FARP1: variants seen among roughly 807,000 people sequenced by gnomAD.
The protein encoded by FARP1 is FERM, ARHGEF and pleckstrin domain-containing protein 1.
Under a neutral mutation model 128.8 loss-of-function variants are expected in FARP1, and 52 were observed. The ratio of observed to expected loss-of-function variants is 0.40; its 90% confidence interval spans 0.32 to 0.51. FARP1 has a LOEUF of 0.51. Among genes scored for constraint, FARP1 ranks in the 20% least tolerant of loss-of-function variants. The probability of loss-of-function intolerance (pLI) is 0.45; values close to 1 mark genes in which losing one functional copy is unlikely to be tolerated. For synonymous variants in FARP1, 580 were observed against 551.8 expected (o/e 1.05, Z -0.72); for missense variants, 1,333 against 1,367.9 (o/e 0.97, Z 0.40).
At chr13:98,424,979 G>C (rs1396161022) in intron 17 of FARP1, among the ~76,000 whole-genome samples, 1 of 151,030 alleles carries the variant, frequency 6.6e-6, no homozygotes, top group East Asian at 1.9e-4. Flanking sequence ...CTTCCAATGT[G>C]GTCCACGGAA....
intron 2 of FARP1, among the ~76,000 whole-genome samples, chr13:98,330,485 G>A (rs1005372863): frequency 6.6e-5 from 10 of 152,148 alleles, no homozygotes; most frequent in Admixed American, 1.3e-4. Context: ...TTCATCTACC[G>A]GGCATGGTGG....
chr13:98,224,824 C>T (rs985309569), intron 2 of FARP1, among the ~76,000 whole-genome samples: 9 of 152,150 alleles, frequency 5.9e-5, no homozygotes, highest in Admixed American at 3.3e-4. Context: ...GGCTGTGAGG[C>T]GTGGGCTGCT....
At chr13:98,197,771 T>G (rs1391750070) in intron 1 of FARP1, among the ~76,000 whole-genome samples, 2 of 151,572 alleles carry the variant, frequency 1.3e-5, no homozygotes, top group Non-Finnish European at 1.5e-5. Context: ...AGTAGCTGGG[T>G]CTACAGGCAC....
chr13:98,228,986 C>T (rs1881955227), intron 2 of FARP1, among the ~76,000 whole-genome samples: 1 of 152,178 alleles, frequency 6.6e-6, no homozygotes, highest in Non-Finnish European at 1.5e-5. Flanking sequence ...TACAAGATTA[C>T]AGAATCTTTT....
chr13:98,176,090 G>A lies in FARP1; in HGVS notation c.-24+32598G>A. The A allele has an allele frequency of 7.6e-7, 1 of 1,319,170 alleles. No homozygotes were observed. 81.7% of individuals were successfully genotyped at this position (1,319,170 alleles called of 1,614,324 possible). On this transcript the variant is annotated intron_variant, in intron 1 of 26. Coordinates refer to ENST00000319562, the MANE Select transcript of FARP1 (RefSeq NM_005766.4). This position sits in a 1 kb window ranked among gnomAD's most constrained non-coding sequence, Gnocchi z 6.2. ...TTACATACTCAGGCATGGGATTGCAGGAAGACTGTCATCTCTCTCATCTTA... is the reference window on the plus strand; with the variant it reads ...TTACATACTCAGGCATGGGATTGCAAGAAGACTGTCATCTCTCTCATCTTA...
rs1890250056 is a variant in FARP1 at position 98,390,096 on chromosome 13, G to A, written c.995G>A (p.Ser332Asn). 1.9e-6 allele frequency: 3 copies of A among 1,613,868 alleles called. No homozygotes were observed. Among genetic ancestry groups the A allele is most frequent in the Non-Finnish European group, 1.7e-6 (2 of 1,180,010 alleles). The change falls in exon 10 of 27, where the codon AGC becomes AAC. Residue 332 changes from serine (S) to asparagine (N), a missense_variant. By Grantham distance (46) the Ser-to-Asn change is conservative. Coordinates refer to ENST00000319562, the MANE Select transcript of FARP1 (RefSeq NM_005766.4). ...CCAAAGCCCAAGCCCGTCCTCTTTA[G>A]CCGGGGGTCATCATTTCGGTTCAGG... ...PKPKPKPVLFSRGSSFRFSGR... is the reference protein window; with the variant it reads ...PKPKPKPVLFNRGSSFRFSGR...
At chr13:98,200,397 C>CCG (rs1491442585) in intron 1 of FARP1, among the ~76,000 whole-genome samples, 3 of 143,392 alleles carry the variant, frequency 2.1e-5, no homozygotes, top group African/African-American at 7.8e-5. Context: ...ACCCCCCCCC[C>CCG]CTCCCCTTTG....
intron 1 of FARP1, among the ~76,000 whole-genome samples, chr13:98,206,177 TTGTGTGTGTGTGTGTGTGTGTGTGTGTG>T (rs3138577): frequency 5.4e-4 from 79 of 146,566 alleles, no homozygotes; most frequent in African/African-American, 1.8e-3. Flanking sequence ...TGACTTGAGG[TTGTGTGTGTGTGTGTGTGTGTGTGTGTG>T]TGTGTGTGTG....
intron 1 of FARP1, among the ~76,000 whole-genome samples, chr13:98,185,737 G>A (rs1317560403): frequency 6.6e-6 from 1 of 151,322 alleles, no homozygotes; most frequent in Non-Finnish European, 1.5e-5. Flanking sequence ...TCTCTCTGTC[G>A]CCCAGGCTGG....
In FARP1 at chr13:98,377,872, G is replaced by A. The variant is rs75258648; in HGVS notation, c.450G>A (p.Thr150=). ...VKQDLAQGRL[T]CNDTSAALLI... ...AGGACTTGGCTCAAGGCAGGTTGAC[G>A]TGTAATGACACCAGCGCAGCTCTCT... The change falls in exon 6 of 27, where the codon ACG becomes ACA. Residue 150 remains threonine (T), a synonymous_variant. Transcript: ENST00000319562. The A allele has an allele frequency of 5.2e-3, 8,418 of 1,613,928 alleles. 36 individuals are homozygous for A. Among genetic ancestry groups the A allele is most frequent in the Non-Finnish European group, 6.3e-3 (7,458 of 1,179,834 alleles).
At chr13:98,292,442 C>A (rs185133753) in intron 2 of FARP1, among the ~76,000 whole-genome samples, 18 of 152,280 alleles carry the variant, frequency 1.2e-4, no homozygotes, top group Non-Finnish European at 2.1e-4. Context: ...ACACTTTAGG[C>A]TAAATAACTT....
At chr13:98,175,822 T>C in intron 1 of FARP1, 1 of 267,774 alleles carries the variant, frequency 3.7e-6, no homozygotes. Flanking sequence ...AGCAGTGTCG[T>C]CTTCAAGGTT....
chr13:98,225,627 C>T (rs930873595), intron 2 of FARP1, among the ~76,000 whole-genome samples: 5 of 152,232 alleles, frequency 3.3e-5, no homozygotes, highest in Admixed American at 6.5e-5. Context: ...CTGAAAGGCC[C>T]GTGGCCATCT....
At chr13:98,196,187 C>G (rs1330161999) in intron 1 of FARP1, among the ~76,000 whole-genome samples, 3 of 152,158 alleles carry the variant, frequency 2.0e-5, no homozygotes, top group African/African-American at 7.2e-5. Context: ...TTTGGGGAGA[C>G]TTTGTGATTG....
chr13:98,221,101 C>G (rs1445032189), intron 2 of FARP1, among the ~76,000 whole-genome samples: 9 of 152,120 alleles, frequency 5.9e-5, no homozygotes, highest in Non-Finnish European at 1.3e-4. Context: ...AGTGGCTGCC[C>G]ATTCTCATCT....
At chr13:98,350,742 T>G (rs1594433279) in intron 3 of FARP1, among the ~76,000 whole-genome samples, 1 of 152,202 alleles carries the variant, frequency 6.6e-6, no homozygotes, top group South Asian at 2.1e-4. Context: ...CCTTGTTGAC[T>G]GGGGAGCTAC....
intron 2 of FARP1, among the ~76,000 whole-genome samples, chr13:98,232,616 G>A (rs150039706): frequency 3.9e-5 from 6 of 152,012 alleles, no homozygotes; most frequent in African/African-American, 1.5e-4. Flanking sequence ...TATGCACACT[G>A]TTTTTAAAGA....
At chr13:98,435,476 G>T (rs1659108029) in intron 18 of FARP1, 100 bp from the exon 19 acceptor site, 2 of 1,208,406 alleles carry the variant, frequency 1.7e-6, no homozygotes, top group South Asian at 1.5e-5. Flanking sequence ...TACTGTGCAG[G>T]GACTGGAGTG....
chr13:98,357,921 T>C (rs1594440888), intron 3 of FARP1, among the ~76,000 whole-genome samples: 1 of 152,198 alleles, frequency 6.6e-6, no homozygotes, highest in East Asian at 1.9e-4. Flanking sequence ...GGGCATAGTC[T>C]GGGGTGAATT....
Sources: allele counts gnomAD v4.1 joint callset (sites outside exome capture counted in the v4.1 genomes callset), GRCh38; gene constraint gnomAD v4.1.1; non-coding constraint Gnocchi (gnomAD v3.1); transcripts MANE v1.5; gene names NCBI Gene and HGNC (gene_info 2026-07-23, HGNC 2026-07-21).